Variants in CD46 observed in about 807,000 individuals in gnomAD.
The protein encoded by CD46 is membrane cofactor protein.
Under a neutral mutation model 53.3 loss-of-function variants are expected in CD46, and 30 were observed. That is an observed-to-expected ratio of 0.56 (90% CI 0.42 to 0.76). The LOEUF is 0.76. CD46 is among the 30% of genes least tolerant of loss of function. The pLI, the probability that CD46 is intolerant of heterozygous loss-of-function variation, is 0.00. For synonymous variants in CD46, 142 were observed against 152.0 expected (o/e 0.93, Z 0.48); for missense variants, 409 against 463.0 (o/e 0.88, Z 1.07).
intron 6 of CD46, 38 bp from the exon 7 acceptor site, chr1:207,767,741 G>A: frequency 1.2e-6 from 2 of 1,603,326 alleles, no homozygotes; most frequent in East Asian, 2.2e-5. Flanking sequence ...TAACTCCCAA[G>A]TGTTTGGTCC....
At chr1:207,780,330 A>G (rs1241403015) in intron 8 of CD46, among the ~76,000 whole-genome samples, 1 of 152,068 alleles carries the variant, frequency 6.6e-6, no homozygotes, top group Non-Finnish European at 1.5e-5. Flanking sequence ...ACTTAGCATA[A>G]TGTTTTTAAG....
chr1:207,770,199 C>G, intron 7 of CD46, 122 bp from the exon 8 acceptor site: 1 of 756,032 alleles, frequency 1.3e-6, no homozygotes, highest in Non-Finnish European at 2.3e-6. Context: ...TGTGGAATTG[C>G]AAAGTTTGTA....
intron 8 of CD46, among the ~76,000 whole-genome samples, chr1:207,778,296 C>T (rs1036290465): frequency 1.2e-4 from 18 of 152,118 alleles, no homozygotes; most frequent in Non-Finnish European, 2.2e-4. Context: ...TTACTTCAAT[C>T]GTACTTGTCA....
chr1:207,767,700 T>C (rs1289972489), intron 6 of CD46, 79 bp from the exon 7 acceptor site: 3 of 1,589,616 alleles, frequency 1.9e-6, no homozygotes, highest in Admixed American at 3.3e-5. Context: ...TGTTACAAGA[T>C]ATAAGGAATT....
At chr1:207,768,362 C>G (rs937678451) in intron 7 of CD46, 1 of 154,614 alleles carries the variant, frequency 6.5e-6, no homozygotes, top group African/African-American at 2.4e-5. Flanking sequence ...GACACCTTTA[C>G]TGAGTTTGTT....
intron 3 of CD46, among the ~76,000 whole-genome samples, chr1:207,758,145 G>T (rs1225153774): frequency 2.0e-5 from 3 of 152,160 alleles, no homozygotes; most frequent in South Asian, 4.1e-4. Context: ...TCAAGAGCAG[G>T]TACTGAGCCC....
rs773571315 is a variant in CD46, at chr1:207,759,715, A to G, written c.466A>G (p.Ile156Val). The change falls in exon 4 of 13, where the codon ATA (isoleucine) becomes GTA (valine). Residue 156 changes from isoleucine (I) to valine (V), a missense_variant. Transcript: ENST00000367042. The part of the protein sequence containing the change: ...SVAIWSGKPP[I>V]CEKVLCTPPP... ...AGCAATTTGGAGCGGTAAGCCCCCA[A>G]TATGTGAAAGTAAGTAAATTCTTTT... The G allele has an allele frequency of 3.1e-6, 5 of 1,600,402 alleles. No homozygotes were observed. The highest frequency in any genetic ancestry group is 2.2e-5 in the East Asian group (1 of 44,750).
intron 8 of CD46, among the ~76,000 whole-genome samples, chr1:207,772,616 T>C (rs1179681436): frequency 6.6e-6 from 1 of 152,224 alleles, no homozygotes. Flanking sequence ...TGAAGGGCTG[T>C]TGAATTTTGT....
intron 8 of CD46, among the ~76,000 whole-genome samples, chr1:207,781,237 T>G (rs1361355787): frequency 6.6e-6 from 1 of 151,392 alleles, no homozygotes; most frequent in Non-Finnish European, 1.5e-5. Context: ...TTGTATATCT[T>G]CTTTAGAGAA....
At position 207,794,784 on chromosome 1, in the gene CD46, A is replaced by G. The variant is rs576232710; in HGVS notation, c.*1307A>G. 2.6e-5 allele frequency: 4 copies of G among 152,360 alleles called. No individual in the cohort carries two copies. In the South Asian group the frequency reaches 8.3e-4, roughly 32 times the overall value. The allele number at this position is 152,360 out of a possible 1,614,324, so 9.4% of individuals were successfully genotyped here. On this transcript the variant is annotated 3_prime_UTR_variant, in exon 13 of 13. Transcript: ENST00000367042. ...GTCCCTTAGCCAAGCAGTTTCTTTC[A>G]AAGAAGCCAGCAGGCGAAAAGCAGG...
intron 8 of CD46, among the ~76,000 whole-genome samples, chr1:207,779,075 ACT>A (rs1366769157): frequency 6.6e-6 from 1 of 151,350 alleles, no homozygotes; most frequent in Non-Finnish European, 1.5e-5. Flanking sequence ...CTCTGATTTG[ACT>A]CTCAGTTTGG....
intron 3 of CD46, among the ~76,000 whole-genome samples, chr1:207,758,678 A>G (rs775099974): frequency 2.0e-5 from 3 of 152,202 alleles, no homozygotes; most frequent in African/African-American, 4.8e-5. Flanking sequence ...GTAACACACC[A>G]TAATATAGAA....
At chr1:207,765,707 C>T (rs182960056) in intron 5 of CD46, among the ~76,000 whole-genome samples, 4 of 152,302 alleles carry the variant, frequency 2.6e-5, no homozygotes, top group Non-Finnish European at 5.9e-5. Flanking sequence ...GCAGATGAAA[C>T]TCTCATATAC....
At chr1:207,753,441 G>A (rs939676632) in intron 1 of CD46, among the ~76,000 whole-genome samples, 1 of 152,194 alleles carries the variant, frequency 6.6e-6, no homozygotes. Flanking sequence ...AGGCCCAGGC[G>A]GGGTGATTGC....
chr1:207,779,371 G>T (rs866309039), intron 8 of CD46, among the ~76,000 whole-genome samples: 2 of 152,018 alleles, frequency 1.3e-5, no homozygotes, highest in African/African-American at 4.8e-5. Context: ...TCTTAAAAAT[G>T]ATATTATGCT....
At chr1:207,791,507 T>C (rs1349695533) in intron 12 of CD46, among the ~76,000 whole-genome samples, 1 of 152,184 alleles carries the variant, frequency 6.6e-6, no homozygotes, top group African/African-American at 2.4e-5. Flanking sequence ...GTCCACAGCA[T>C]GGGTATGCTG....
In CD46 at chr1:207,767,754, T is replaced by C. The variant is rs759604841; in HGVS notation, c.857-25T>C. 5.0e-6 allele frequency: 8 copies of C among 1,609,678 alleles called. No individual in the cohort carries two copies. In the South Asian group the frequency reaches 8.8e-5, roughly 18 times the overall value. Reference sequence around the variant, plus strand: ...AATAACTCCCAAGTGTTTGGTCCAATCTACATTATTATTTTGTTTTCCAGT... The same window carrying C: ...AATAACTCCCAAGTGTTTGGTCCAACCTACATTATTATTTTGTTTTCCAGT... On this transcript the variant is annotated intron_variant, in intron 6 of 12. Transcript: ENST00000367042.
chr1:207,790,612 G>C (rs1197770303), intron 12 of CD46, among the ~76,000 whole-genome samples: 1 of 152,156 alleles, frequency 6.6e-6, no homozygotes, highest in South Asian at 2.1e-4. Context: ...CTTCTACCTT[G>C]TAAAACAGCT....
At chr1:207,772,732 G>T (rs1261465700) in intron 8 of CD46, among the ~76,000 whole-genome samples, 1 of 152,212 alleles carries the variant, frequency 6.6e-6, no homozygotes, top group African/African-American at 2.4e-5. Flanking sequence ...AACCAGCCTT[G>T]TATCCCAGGG....
Sources: gnomAD v4.1 joint callset for allele counts (sites outside exome capture counted in the v4.1 genomes callset) on GRCh38, gnomAD v4.1.1 for gene constraint, MANE v1.5 for transcripts, NCBI Gene and HGNC (gene_info 2026-07-23, HGNC 2026-07-21) for gene names.